The following LRP1B variants were observed in gnomAD, a reference collection of about 807,000 sequenced individuals.
LRP1B encodes the protein low-density lipoprotein receptor-related protein 1B.
Under a neutral mutation model 556.6 loss-of-function variants are expected in LRP1B, and 217 were observed. The ratio of observed to expected loss-of-function variants is 0.39; its 90% confidence interval spans 0.35 to 0.44. The LOEUF (loss-of-function observed/expected upper bound fraction) is 0.44, where lower values mean the gene tolerates loss of function less well. LRP1B is among the 20% of genes least tolerant of loss of function. LRP1B has a pLI of 1.00. For missense variants in LRP1B, 5,053 were observed against 5,620.8 expected (o/e 0.90, Z 3.23); for synonymous variants, 2,047 against 1,865.8 (o/e 1.10, Z -2.50).
intron 41 of LRP1B, among the ~76,000 whole-genome samples, chr2:140,602,631 G>A (rs1682716139): frequency 6.6e-6 from 1 of 151,984 alleles, no homozygotes; most frequent in South Asian, 2.1e-4. Context: ...TATCTGAAAA[G>A]AGCTGTTTCC....
At position 140,951,898 on chromosome 2, in the gene LRP1B, CT is replaced by C; in HGVS notation, c.2929del (p.Ser977ValfsTer202). 1 of 1,614,058 alleles carries C rather than the reference CT, an allele frequency of 6.2e-7. No individual in the cohort carries two copies. The highest frequency in any genetic ancestry group is 8.5e-7 in the Non-Finnish European group (1 of 1,179,942). ...CEPLTQFVCK[S>X]GRCISSKWHC... ...CCATTTGCTGCTAATGCATCTTCCA[CT>C]TTTGCATACGAATTGGGTTAGTGGC... On this transcript the variant is annotated frameshift_variant, in exon 19 of 91. Transcript: ENST00000389484. LOFTEE classifies it high-confidence loss of function.
In LRP1B at chr2:140,867,519, A is replaced by G. The variant is rs1288517262; in HGVS notation, c.4579+71T>C. On this transcript the variant is annotated intron_variant, in intron 27 of 90. Transcript: ENST00000389484. ...TTTTAACTTATAGAAGTTATTTTAT[A>G]CTTCAAATATTATATGATTAAGATG... 4.2e-6 allele frequency: 6 copies of G among 1,436,058 alleles called. No individual in the cohort carries two copies. The African/African-American group carries it at 8.6e-5, about 21-fold the overall frequency. 89.0% of individuals were successfully genotyped at this position (1,436,058 alleles called of 1,614,324 possible). A position where few individuals can be genotyped will look rare whatever the true frequency, so the allele number is the denominator to read the frequency against.
chr2:140,324,778 A>G (rs2105061551), intron 80 of LRP1B, among the ~76,000 whole-genome samples: 1 of 151,904 alleles, frequency 6.6e-6, no homozygotes, highest in African/African-American at 2.4e-5. Context: ...CTTTATATTC[A>G]TATATTTTTC....
Position 140,289,572 on chromosome 2 carries a change from C to T in LRP1B, c.12967+8236G>A, listed in dbSNP as rs76251061. On this transcript the variant is annotated intron_variant, in intron 84 of 90. Transcript: ENST00000389484. ...ATTTCCTTTTATGTATAAGCACGTA[C>T]GCCTAAAATTATTTTCCTCTTATTA... is the stretch of plus-strand genomic sequence containing the variant. Among the ~76,000 whole-genome samples, 1,058 of 150,942 alleles carry T rather than the reference C, an allele frequency of 7.0e-3. 35 individuals are homozygous for T. Among genetic ancestry groups the T allele is most frequent in the Admixed American group, 0.051 (776 of 15,088 alleles).
chr2:141,799,540 A>T (rs375178741), intron 2 of LRP1B, among the ~76,000 whole-genome samples: 3 of 152,070 alleles, frequency 2.0e-5, no homozygotes, highest in African/African-American at 7.2e-5. Context: ...GAATTCAGCC[A>T]AGACCCTAAA....
chr2:140,233,168 T>C lies in LRP1B; in HGVS notation c.*18A>G. 1 of 1,527,764 alleles carries C rather than the reference T, an allele frequency of 6.5e-7. No homozygotes were observed. Among genetic ancestry groups the C allele is most frequent in the Non-Finnish European group, 9.0e-7 (1 of 1,109,630 alleles). 94.6% of individuals were successfully genotyped at this position (1,527,764 alleles called of 1,614,324 possible). ...TTATATTTTATACATTTATACAGCATATAAAAGATATCACTGATTATGCCA... is the reference window on the plus strand; with the variant it reads ...TTATATTTTATACATTTATACAGCACATAAAAGATATCACTGATTATGCCA... On this transcript the variant is annotated 3_prime_UTR_variant, in exon 91 of 91. Transcript: ENST00000389484.
chr2:141,461,137 T>G (rs10928104), intron 3 of LRP1B, among the ~76,000 whole-genome samples: 1 of 151,840 alleles, frequency 6.6e-6, no homozygotes, highest in African/African-American at 2.4e-5. Context: ...AGAACTCAGC[T>G]AAGGACAGAG....
intron 83 of LRP1B, among the ~76,000 whole-genome samples, chr2:140,304,954 T>C (rs1407612777): frequency 6.6e-6 from 1 of 152,166 alleles, no homozygotes; most frequent in African/African-American, 2.4e-5. Flanking sequence ...TTGTCAGAGA[T>C]CAGATGATTG....
intron 1 of LRP1B, among the ~76,000 whole-genome samples, chr2:141,951,542 C>T (rs1044681647): frequency 1.3e-5 from 2 of 152,116 alleles, no homozygotes; most frequent in African/African-American, 4.8e-5. Context: ...TGTAATTATA[C>T]ATTTGATTAT....
At chr2:141,314,283 T>C (rs571004569) in intron 3 of LRP1B, among the ~76,000 whole-genome samples, 15 of 152,322 alleles carry the variant, frequency 9.8e-5, no homozygotes, top group Non-Finnish European at 1.9e-4. Context: ...ATTGTTTTTA[T>C]AGATCTCTAA....
Position 140,537,804 on chromosome 2 carries a change from G to C in LRP1B, c.7514-1095C>G, listed in dbSNP as rs548221559. ...AAAGTACAAAAAGTTATTTTCTACA[G>C]GTGAGTTTCATCCTTATAATGGCAA... is the stretch of plus-strand genomic sequence containing the variant. On this transcript the variant is annotated intron_variant, in intron 45 of 90. Transcript: ENST00000389484. Among the ~76,000 whole-genome samples the C allele has an allele frequency of 9.9e-4, 150 of 152,198 alleles. 1 individual carries two copies. The highest frequency in any genetic ancestry group is 3.4e-3 in the Middle Eastern group (1 of 294).
At chr2:140,449,620 A>G (rs1370533163) in intron 63 of LRP1B, among the ~76,000 whole-genome samples, 2 of 152,172 alleles carry the variant, frequency 1.3e-5, no homozygotes, top group Non-Finnish European at 2.9e-5. Context: ...ATGTGAAACA[A>G]CTTCAGTATG....
At chr2:141,468,297 A>T (rs189501619) in intron 3 of LRP1B, among the ~76,000 whole-genome samples, 1 of 152,344 alleles carries the variant, frequency 6.6e-6, no homozygotes, top group East Asian at 1.9e-4. Flanking sequence ...GAGCATGACT[A>T]GTGCAAACCT....
At position 140,897,828 on chromosome 2, in the gene LRP1B, G is replaced by A. The variant is rs534906615; in HGVS notation, c.3766+5092C>T. On this transcript the variant is annotated intron_variant, in intron 23 of 90. Transcript: ENST00000389484. Reference sequence around the variant, plus strand: ...GTCACAGACTGAAGGCTGCGCTATCGGCTTCCCTACTTTTGAGGTTTTGGG... The same window carrying A: ...GTCACAGACTGAAGGCTGCGCTATCAGCTTCCCTACTTTTGAGGTTTTGGG... 1.1e-4 allele frequency among the ~76,000 whole-genome samples: 17 copies of A among 152,190 alleles called. No individual in the cohort carries two copies. The East Asian group carries it at 2.7e-3, about 24-fold the overall frequency.
intron 35 of LRP1B, among the ~76,000 whole-genome samples, chr2:140,744,529 G>A (rs1688255448): frequency 6.6e-6 from 1 of 152,116 alleles, no homozygotes; most frequent in Admixed American, 6.5e-5. Flanking sequence ...TTGTCAGCCG[G>A]CTCACAGAGC....
chr2:142,010,001 T>A (rs1702906202), intron 1 of LRP1B, among the ~76,000 whole-genome samples: 1 of 152,118 alleles, frequency 6.6e-6, no homozygotes, highest in Non-Finnish European at 1.5e-5. Flanking sequence ...TTTATATAGA[T>A]ATAGGTATAG....
intron 2 of LRP1B, among the ~76,000 whole-genome samples, chr2:141,534,829 C>T (rs1363557604): frequency 1.3e-5 from 2 of 152,082 alleles, no homozygotes; most frequent in Non-Finnish European, 2.9e-5. Context: ...CAGTACACTT[C>T]AGGGCATGGG....
At chr2:141,556,424 G>C (rs1376530356) in intron 2 of LRP1B, among the ~76,000 whole-genome samples, 1 of 151,880 alleles carries the variant, frequency 6.6e-6, no homozygotes, top group Non-Finnish European at 1.5e-5. Flanking sequence ...TGTCCTGATT[G>C]TTGGGATTTG....
At chr2:141,276,083 T>G (rs1271657266) in intron 3 of LRP1B, among the ~76,000 whole-genome samples, 1 of 152,232 alleles carries the variant, frequency 6.6e-6, no homozygotes, top group East Asian at 1.9e-4. Context: ...TTCATTTTAA[T>G]GGATCATATT....
Sources: gnomAD v4.1 joint callset for allele counts (sites outside exome capture counted in the v4.1 genomes callset) on GRCh38, gnomAD v4.1.1 for gene constraint, MANE v1.5 for transcripts, NCBI Gene and HGNC (gene_info 2026-07-23, HGNC 2026-07-21) for gene names.